CADM2: variants seen among roughly 807,000 people sequenced by gnomAD.
CADM2 encodes immunoglobulin superfamily member 4D.
CADM2 carries 12 observed loss-of-function variants against 49.8 expected under a neutral mutation model. That is an observed-to-expected ratio of 0.24 (90% CI 0.15 to 0.39). CADM2 has a LOEUF of 0.39. CADM2 is among the 10% of genes least tolerant of loss of function. The pLI, the probability that CADM2 is intolerant of heterozygous loss-of-function variation, is 1.00. For missense variants in CADM2, 378 were observed against 492.3 expected (o/e 0.77, Z 2.20); for synonymous variants, 214 against 175.4 (o/e 1.22, Z -1.74).
At chr3:85,933,818 A>C (rs981090434) in intron 6 of CADM2, among the ~76,000 whole-genome samples, 10 of 152,142 alleles carry the variant, frequency 6.6e-5, no homozygotes, top group African/African-American at 1.9e-4. Flanking sequence ...TCAACATTGC[A>C]GTTCAAACGA....
intron 1 of CADM2, among the ~76,000 whole-genome samples, chr3:85,082,483 A>G (rs1166593906): frequency 6.6e-6 from 1 of 152,172 alleles, no homozygotes; most frequent in Non-Finnish European, 1.5e-5. Context: ...CTTTCTTTAG[A>G]ACAGTGACTA....
intron 1 of CADM2, among the ~76,000 whole-genome samples, chr3:85,007,143 A>T (rs2033772196): frequency 6.6e-6 from 1 of 152,158 alleles, no homozygotes; most frequent in African/African-American, 2.4e-5. Context: ...ATAAGGAAAA[A>T]TATTGATTAA....
At chr3:85,236,154 A>C (rs1276303403) in intron 1 of CADM2, among the ~76,000 whole-genome samples, 1 of 152,056 alleles carries the variant, frequency 6.6e-6, no homozygotes, top group Non-Finnish European at 1.5e-5. Flanking sequence ...CAAAACATCC[A>C]TCCGTGCACT....
At chr3:86,066,280 C>T (rs925658648) in intron 9 of CADM2, among the ~76,000 whole-genome samples, 1 of 129,118 alleles carries the variant, frequency 7.7e-6, no homozygotes, top group African/African-American at 2.9e-5. Context: ...TTGCGGTGAG[C>T]TGAGATCGTG....
At chr3:85,085,406 T>G (rs9309969) in intron 1 of CADM2, among the ~76,000 whole-genome samples, 71,898 of 151,696 alleles carry the variant, frequency 0.47, 18,739 homozygotes, top group Non-Finnish European at 0.6. Context: ...TTTTTTAAAG[T>G]CTCAATAGTA....
At chr3:85,885,851 C>CAAAAA (rs34486931) in intron 4 of CADM2, among the ~76,000 whole-genome samples, 14 of 91,334 alleles carry the variant, frequency 1.5e-4, no homozygotes, top group Admixed American at 5.4e-4. Flanking sequence ...GATCCTGTCT[C>CAAAAA]AAAAAAAAAA....
intron 3 of CADM2, among the ~76,000 whole-genome samples, chr3:85,808,795 G>A (rs1426220993): frequency 6.6e-6 from 1 of 151,940 alleles, no homozygotes; most frequent in Non-Finnish European, 1.5e-5. Flanking sequence ...TAAATCATTG[G>A]TGTTAATTAG....
At chr3:85,205,422 A>C (rs1227166253) in intron 1 of CADM2, among the ~76,000 whole-genome samples, 1 of 152,148 alleles carries the variant, frequency 6.6e-6, no homozygotes, top group Non-Finnish European at 1.5e-5. Flanking sequence ...AATAAATACT[A>C]CTACAAATGT....
At chr3:85,008,230 A>AT (rs555563362) in intron 1 of CADM2, among the ~76,000 whole-genome samples, 100 of 152,106 alleles carry the variant, frequency 6.6e-4, no homozygotes, top group African/African-American at 2.2e-3. Context: ...TCGATATGTG[A>AT]TTTTTTTCTA....
At chr3:85,788,842 T>A (rs183758461) in intron 2 of CADM2, among the ~76,000 whole-genome samples, 131 of 152,210 alleles carry the variant, frequency 8.6e-4, no homozygotes, top group Middle Eastern at 3.4e-3. Context: ...ATAAGGTTTT[T>A]AATGATACTT....
chr3:85,444,983 G>A (rs2037378734), intron 1 of CADM2, among the ~76,000 whole-genome samples: 1 of 152,030 alleles, frequency 6.6e-6, no homozygotes, highest in Admixed American at 6.6e-5. Flanking sequence ...TAAAGACTGT[G>A]TATATTATCA....
intron 5 of CADM2, among the ~76,000 whole-genome samples, chr3:85,893,063 T>C (rs1041164442): frequency 6.6e-6 from 1 of 152,086 alleles, no homozygotes; most frequent in Non-Finnish European, 1.5e-5. Context: ...TGCAAAGAGA[T>C]TGGTGGTATT....
At chr3:85,454,981 T>G (rs993339103) in intron 1 of CADM2, among the ~76,000 whole-genome samples, 1 of 152,196 alleles carries the variant, frequency 6.6e-6, no homozygotes, top group Non-Finnish European at 1.5e-5. Flanking sequence ...TCATTGCAGA[T>G]AGAAATCTTA....
intron 1 of CADM2, among the ~76,000 whole-genome samples, chr3:85,669,879 T>C (rs1413371719): frequency 1.3e-5 from 2 of 152,138 alleles, no homozygotes; most frequent in Non-Finnish European, 2.9e-5. Flanking sequence ...GTTGTCGTTG[T>C]CGTTAAACCC....
intron 1 of CADM2, among the ~76,000 whole-genome samples, chr3:85,260,448 A>G (rs1164268001): frequency 6.6e-6 from 1 of 152,134 alleles, no homozygotes; most frequent in East Asian, 1.9e-4. Flanking sequence ...ATCTAGAAAA[A>G]AGTAGACAGA....
intron 1 of CADM2, among the ~76,000 whole-genome samples, chr3:85,347,221 C>CAAAA (rs2030761076): frequency 6.4e-5 from 1 of 15,688 alleles, no homozygotes; most frequent in Non-Finnish European, 1.2e-4. Flanking sequence ...CACTCTGTCT[C>CAAAA]ACAAAAAAAA....
intron 1 of CADM2, among the ~76,000 whole-genome samples, chr3:85,231,232 A>G (rs963899860): frequency 2.6e-5 from 4 of 152,210 alleles, no homozygotes; most frequent in Non-Finnish European, 5.9e-5. Flanking sequence ...CACTGAGACA[A>G]TTTTTTTCAT....
At chr3:85,172,085 T>A (rs2040643858) in intron 1 of CADM2, among the ~76,000 whole-genome samples, 1 of 152,210 alleles carries the variant, frequency 6.6e-6, no homozygotes, top group Non-Finnish European at 1.5e-5. Context: ...TACTGTGCCA[T>A]TAAGTTATTA....
chr3:85,583,532 T>C (rs2062854057), intron 1 of CADM2, among the ~76,000 whole-genome samples: 1 of 152,136 alleles, frequency 6.6e-6, no homozygotes, highest in Non-Finnish European at 1.5e-5. Flanking sequence ...TAGTGGAAAT[T>C]GAGCAAATGG....
Sources: allele counts gnomAD v4.1 joint callset (sites outside exome capture counted in the v4.1 genomes callset), GRCh38; gene constraint gnomAD v4.1.1; transcripts MANE v1.5; gene names NCBI Gene and HGNC (gene_info 2026-07-23, HGNC 2026-07-21).